The following ATXN10 variants were observed in gnomAD, a reference collection of about 807,000 sequenced individuals.
ATXN10 encodes ataxin 10, also known as ataxin-10.
A neutral mutation model predicts 52.9 loss-of-function variants in ATXN10; 28 were observed. The ratio of observed to expected loss-of-function variants is 0.53; its 90% CI spans 0.39 to 0.73. The LOEUF (loss-of-function observed/expected upper bound fraction) is 0.73, where lower values mean the gene tolerates loss of function less well. Ranked by LOEUF, ATXN10 falls within the 30% of genes least tolerant of loss-of-function variation. The pLI, the probability that ATXN10 is intolerant of heterozygous loss-of-function variation, is 0.00. For missense variants in ATXN10, 565 were observed against 577.0 expected, an observed-to-expected ratio of 0.98 and a Z score of 0.21; for synonymous variants, 226 against 221.5, an observed-to-expected ratio of 1.02 and a Z score of -0.18.
intron 5 of ATXN10, among the ~76,000 whole-genome samples, chr22:45,704,845 C>A (rs2146757297): frequency 6.6e-6 from 1 of 152,196 alleles, no homozygotes; most frequent in Non-Finnish European, 1.5e-5. Context: ...ACATATGTTT[C>A]TTATTTAAGA....
rs1023606442 is a variant in ATXN10, at chr22:45,754,856, A to G, written c.1173+14318A>G. Among the ~76,000 whole-genome samples, 1 of 152,240 alleles carries G rather than the reference A, an allele frequency of 6.6e-6. No individual in the cohort carries two copies. Among genetic ancestry groups the G allele is most frequent in the African/African-American group, 2.4e-5 (1 of 41,470 alleles). On this transcript the variant is annotated intron_variant, in intron 9 of 11. Transcript: ENST00000252934. This position sits in a 1 kb window ranked among gnomAD's most constrained non-coding sequence, Gnocchi z 5.4. Reference sequence around the variant, plus strand: ...GGCAACAGAGTGAGACTCTGTCTCAAAAAATGTCTTGGCCCTCCTTGCAAC... The same window carrying G: ...GGCAACAGAGTGAGACTCTGTCTCAGAAAATGTCTTGGCCCTCCTTGCAAC...
At chr22:45,714,443 C>T (rs946143541) in intron 5 of ATXN10, among the ~76,000 whole-genome samples, 3 of 151,992 alleles carry the variant, frequency 2.0e-5, no homozygotes, top group Non-Finnish European at 4.4e-5. Context: ...TGCAGTGGTG[C>T]AATCATGGCT....
chr22:45,748,025 C>T (rs1013846532), intron 9 of ATXN10, among the ~76,000 whole-genome samples: 12 of 152,106 alleles, frequency 7.9e-5, no homozygotes, highest in African/African-American at 2.4e-4. Context: ...GTAATAAGAC[C>T]GTTTCTCTAA....
intron 5 of ATXN10, among the ~76,000 whole-genome samples, chr22:45,713,643 C>G (rs1306976537): frequency 6.6e-6 from 1 of 152,072 alleles, no homozygotes. Context: ...GTATATATTG[C>G]TTACATTACA....
chr22:45,700,797 A>G (rs554823480), intron 4 of ATXN10, among the ~76,000 whole-genome samples: 67 of 152,362 alleles, frequency 4.4e-4, no homozygotes, highest in Non-Finnish European at 8.4e-4. Context: ...TTGTTTATGT[A>G]TTGAATACTG....
At chr22:45,686,215 A>G (rs973688042) in intron 1 of ATXN10, among the ~76,000 whole-genome samples, 1 of 152,146 alleles carries the variant, frequency 6.6e-6, no homozygotes, top group Non-Finnish European at 1.5e-5. Flanking sequence ...AAGTGCTTGG[A>G]TTACATAGCA....
intron 1 of ATXN10, among the ~76,000 whole-genome samples, chr22:45,682,172 A>C (rs1447584360): frequency 6.6e-6 from 1 of 152,162 alleles, no homozygotes; most frequent in Non-Finnish European, 1.5e-5. Flanking sequence ...CATTTCCCTG[A>C]GTGATAATCC....
intron 9 of ATXN10, chr22:45,792,422 A>G (rs1927546034): frequency 6.5e-6 from 1 of 152,942 alleles, no homozygotes. Flanking sequence ...AGCTTCAGAT[A>G]ACTTAGAAGT....
At chr22:45,809,338 A>G (rs1928206426) in intron 10 of ATXN10, among the ~76,000 whole-genome samples, 2 of 150,750 alleles carry the variant, frequency 1.3e-5, no homozygotes, top group Non-Finnish European at 3.0e-5. Context: ...TTTTTCCTTT[A>G]TTTTTTTAAT....
chr22:45,807,949 C>A (rs1199834341), intron 10 of ATXN10, among the ~76,000 whole-genome samples: 1 of 152,166 alleles, frequency 6.6e-6, no homozygotes, highest in Non-Finnish European at 1.5e-5. Flanking sequence ...AGAAAAGCAG[C>A]TGATGAAAAT....
chr22:45,809,557 G>T (rs1442644619), intron 10 of ATXN10, among the ~76,000 whole-genome samples: 2 of 152,016 alleles, frequency 1.3e-5, no homozygotes, highest in African/African-American at 4.8e-5. Context: ...TTTATGACAT[G>T]AACATTCAGC....
chr22:45,734,595 G>A (rs1331388335), intron 7 of ATXN10, among the ~76,000 whole-genome samples: 1 of 144,934 alleles, frequency 6.9e-6, no homozygotes, highest in East Asian at 2.1e-4. Flanking sequence ...TGTTTTTTAA[G>A]TAAATTCTCC....
intron 2 of ATXN10, among the ~76,000 whole-genome samples, chr22:45,691,930 C>T (rs1923396782): frequency 6.6e-6 from 1 of 152,148 alleles, no homozygotes; most frequent in South Asian, 2.1e-4. Context: ...TGTCCTGAGC[C>T]TTACACACTG....
At chr22:45,810,430 TA>T (rs2146888495) in intron 10 of ATXN10, among the ~76,000 whole-genome samples, 1 of 152,378 alleles carries the variant, frequency 6.6e-6, no homozygotes, top group East Asian at 1.9e-4. Context: ...AGAATCAGTA[TA>T]AATTCTACAC....
At chr22:45,765,989 C>T (rs901191807) in intron 9 of ATXN10, among the ~76,000 whole-genome samples, 2 of 152,206 alleles carry the variant, frequency 1.3e-5, no homozygotes, top group Non-Finnish European at 2.9e-5. Context: ...ACAGCTTCCA[C>T]TGTTCAAAAC....
chr22:45,692,783 A>T (rs1403975374), intron 2 of ATXN10, among the ~76,000 whole-genome samples: 1 of 152,192 alleles, frequency 6.6e-6, no homozygotes, highest in African/African-American at 2.4e-5. Context: ...GAAGTACTCA[A>T]AGAAAGCTGT....
At chr22:45,710,469 A>G (rs1030310519) in intron 5 of ATXN10, among the ~76,000 whole-genome samples, 9 of 152,066 alleles carry the variant, frequency 5.9e-5, no homozygotes, top group African/African-American at 1.7e-4. Context: ...TCTTTTATTC[A>G]TTTGTTTAAT....
intron 9 of ATXN10, among the ~76,000 whole-genome samples, chr22:45,799,569 C>T (rs994174206): frequency 6.6e-6 from 1 of 152,172 alleles, no homozygotes; most frequent in African/African-American, 2.4e-5. Flanking sequence ...CAAAGTTTGC[C>T]AGCAAACTAT....
intron 9 of ATXN10, among the ~76,000 whole-genome samples, chr22:45,803,128 T>TA (rs1927982628): frequency 6.6e-6 from 1 of 152,204 alleles, no homozygotes; most frequent in African/African-American, 2.4e-5. Context: ...CACTCACAGT[T>TA]ACTCTTTGAA....
Sources: allele counts gnomAD v4.1 joint callset (sites outside exome capture counted in the v4.1 genomes callset), GRCh38; gene constraint gnomAD v4.1.1; non-coding constraint Gnocchi (gnomAD v3.1); transcripts MANE v1.5; gene names NCBI Gene and HGNC (gene_info 2026-07-23, HGNC 2026-07-21).